BLVRB: variants seen among roughly 807,000 people sequenced by gnomAD.
The protein encoded by BLVRB is biliverdin reductase B, also known as flavin reductase (NADPH).
In BLVRB, 25 loss-of-function variants were observed where a neutral mutation model predicts 21.1. The ratio of observed to expected loss-of-function variants is 1.19; its 90% CI spans 0.86 to 1.66. BLVRB has a LOEUF of 1.66. Among genes scored for constraint, BLVRB ranks in the 40% most tolerant of loss-of-function variants. The pLI is 0.00. For synonymous variants in BLVRB, 128 were observed against 122.2 expected (o/e 1.05, Z -0.31); for missense variants, 274 against 282.7 (o/e 0.97, Z 0.22).
chr19:40,450,909 C>T (rs1379241462), intron 4 of BLVRB, among the ~76,000 whole-genome samples: 1 of 151,180 alleles, frequency 6.6e-6, no homozygotes, highest in Non-Finnish European at 1.5e-5. Flanking sequence ...ATCTCCCATA[C>T]TAGAAATGTA....
chr19:40,457,964 G>A (rs1250326355), intron 3 of BLVRB, 191 bp downstream of exon 3: 1 of 578,794 alleles, frequency 1.7e-6, no homozygotes, highest in Admixed American at 3.0e-5. Context: ...TGAGCCTTGT[G>A]TGAGCAGGGC....
At chr19:40,464,718 T>C (rs2145785399) in intron 1 of BLVRB, among the ~76,000 whole-genome samples, 1 of 152,250 alleles carries the variant, frequency 6.6e-6, no homozygotes, top group African/African-American at 2.4e-5. Flanking sequence ...AGGGGAGAGT[T>C]ATGGACCTAG....
In BLVRB at chr19:40,447,900, G is replaced by A. The variant is rs1473642228; in HGVS notation, c.610C>T (p.Gln204Ter). The part of the protein sequence containing the change: ...YDGHSTYPSH[Q>*]YQ Reference sequence around the variant, plus strand: ...ATGGGGACAGAGTGCTACTGGTACTGGTGGGAGGGGTAGGTGCTGTGTCCG... The same window carrying A: ...ATGGGGACAGAGTGCTACTGGTACTAGTGGGAGGGGTAGGTGCTGTGTCCG... The change falls in exon 5 of 5, where the codon CAG becomes TAG. Residue 204 changes from glutamine (Q) to a stop codon, truncating the protein, a stop_gained. Transcript: ENST00000263368. LOFTEE classifies it high-confidence loss of function. 1 of 1,613,892 alleles carries A rather than the reference G, an allele frequency of 6.2e-7. No individual in the cohort carries two copies. Among genetic ancestry groups the A allele is most frequent in the Non-Finnish European group, 8.5e-7 (1 of 1,179,876 alleles).
At position 40,447,788 on chromosome 19, in the gene BLVRB, G is replaced by C; in HGVS notation, c.*101C>G. 1 of 1,359,772 alleles carries C rather than the reference G, an allele frequency of 7.4e-7. No individual in the cohort carries two copies. The highest frequency in any genetic ancestry group is 1.4e-5 in the South Asian group (1 of 69,606). The allele number at this position is 1,359,772 out of a possible 1,614,324, so 84.2% of individuals were successfully genotyped here. On this transcript the variant is annotated 3_prime_UTR_variant, in exon 5 of 5. Transcript: ENST00000263368. ...AGAGAGAGGAAGAGTCACACAGTCGGTTTCTCTAGAGTAATTTGAAGCTCT... is the reference window on the plus strand; with the variant it reads ...AGAGAGAGGAAGAGTCACACAGTCGCTTTCTCTAGAGTAATTTGAAGCTCT...
chr19:40,462,667 G>A (rs1314020012), intron 1 of BLVRB, among the ~76,000 whole-genome samples: 1 of 148,492 alleles, frequency 6.7e-6, no homozygotes, highest in East Asian at 2.0e-4. Flanking sequence ...TGAGGCGGGC[G>A]GATCATGAGG....
In BLVRB at chr19:40,451,441, G is replaced by T. The variant is rs1348872117; in HGVS notation, c.386C>A (p.Thr129Asn). The part of the protein sequence containing the change: ...TKVPPRLQAV[T>N]DDHIRMHKVL... ...CTTGTGCATCCGGATGTGGTCATCA[G>T]TCACAGCCTGCAGTCGTGGGGGCAC... The change falls in exon 4 of 5, where the codon ACT becomes AAT. Residue 129 changes from threonine (T) to asparagine (N), a missense_variant. Coordinates refer to ENST00000263368, the MANE Select transcript of BLVRB (RefSeq NM_000713.3). The T allele has an allele frequency of 6.2e-7, 1 of 1,613,122 alleles. No homozygotes were observed. The highest frequency in any genetic ancestry group is 1.3e-5 in the African/African-American group (1 of 75,002).
chr19:40,462,427 C>T (rs895983114), intron 1 of BLVRB, among the ~76,000 whole-genome samples: 3 of 151,522 alleles, frequency 2.0e-5, no homozygotes, highest in African/African-American at 4.8e-5. Context: ...TATAGGTGTG[C>T]ACCACAACAC....
chr19:40,452,161 G>GC (rs1440438599), intron 3 of BLVRB, among the ~76,000 whole-genome samples: 1 of 152,056 alleles, frequency 6.6e-6, no homozygotes, highest in Non-Finnish European at 1.5e-5. Context: ...CCCATGGCCA[G>GC]CCCTCAAGGC....
rs200026690 is a variant in BLVRB at position 40,458,215 on chromosome 19, G to T, written c.274C>A (p.Arg92=). ...SPTTVMSEGA[R]NIVAAMKAHG... is the part of the protein sequence containing the mutation. The stretch of plus-strand genomic sequence containing the variant: ...GCCTTCATGGCTGCCACAATGTTCC[G>T]GGCGCCCTCGGACATCACTGTCGTG... Residue 92 remains arginine, a synonymous_variant, in exon 3 of 5, where the codon CGG becomes AGG. Coordinates refer to ENST00000263368, the MANE Select transcript of BLVRB (RefSeq NM_000713.3). The T allele has an allele frequency of 3.7e-6, 6 of 1,613,690 alleles. No homozygotes were observed. The East Asian group carries it at 8.9e-5, about 24-fold the overall frequency.
At chr19:40,449,114 G>A (rs62106979) in intron 4 of BLVRB, among the ~76,000 whole-genome samples, 18,671 of 151,972 alleles carry the variant, frequency 0.12, 1,221 homozygotes, top group South Asian at 0.18. Flanking sequence ...CACCCATGTG[G>A]CATTCCTGCC....
chr19:40,459,445 T>TGG (rs2079777313), intron 1 of BLVRB, among the ~76,000 whole-genome samples: 3 of 150,924 alleles, frequency 2.0e-5, no homozygotes, highest in African/African-American at 7.3e-5. Context: ...TACCTTCTAT[T>TGG]TATTATTATT....
At chr19:40,465,491 C>T in intron 1 of BLVRB, 119 bp downstream of exon 1, 1 of 1,289,694 alleles carries the variant, frequency 7.8e-7, no homozygotes, top group Non-Finnish European at 1.1e-6. Flanking sequence ...CCCCTGAGTC[C>T]TCATACACCT....
intron 3 of BLVRB, among the ~76,000 whole-genome samples, chr19:40,455,764 T>C (rs2079759736): frequency 6.6e-6 from 1 of 152,180 alleles, no homozygotes; most frequent in Non-Finnish European, 1.5e-5. Context: ...TATTTGTGTA[T>C]GTGTATGTGC....
Position 40,465,490 on chromosome 19 carries a change from C to T in BLVRB, c.79+120G>A, listed in dbSNP as rs2079808574. ...TGGCCACTTGCTTTGGCCCCTGAGT[C>T]CTCATACACCTGGCTGGGGCGCTCA... is the stretch of plus-strand genomic sequence containing the variant. On this transcript the variant is annotated intron_variant, in intron 1 of 4. Coordinates refer to ENST00000263368, the MANE Select transcript of BLVRB (RefSeq NM_000713.3). The T allele has an allele frequency of 1.3e-5, 17 of 1,263,616 alleles. 1 individual carries two copies. In the South Asian group the frequency reaches 2.1e-4, roughly 15 times the overall value. 78.3% of individuals were successfully genotyped at this position (1,263,616 alleles called of 1,614,324 possible).
intron 2 of BLVRB, 31 bp from the exon 3 acceptor site, chr19:40,458,275 G>T (rs367905273): frequency 1.9e-6 from 3 of 1,586,640 alleles, no homozygotes; most frequent in Admixed American, 1.7e-5. Context: ...GCTGTCACTG[G>T]TGGGCGGCGG....
At chr19:40,454,231 T>G (rs571267772) in intron 3 of BLVRB, among the ~76,000 whole-genome samples, 1 of 152,180 alleles carries the variant, frequency 6.6e-6, no homozygotes, top group East Asian at 1.9e-4. Flanking sequence ...AAGTTTCAAG[T>G]GATTCTCCTG....
At chr19:40,462,892 CAAAAAAAAAAAAA>C (rs56923063) in intron 1 of BLVRB, among the ~76,000 whole-genome samples, 3 of 49,866 alleles carry the variant, frequency 6.0e-5, no homozygotes, top group African/African-American at 1.7e-4. Flanking sequence ...ACTCTTGTCT[CAAAAAAAAAAAAA>C]AAAAAAAAAA....
rs199771756 is a variant in BLVRB, at chr19:40,458,368, G to A, written c.244+13C>T. 766 of 1,564,200 alleles carry A rather than the reference G, an allele frequency of 4.9e-4. 1 individual carries two copies. The Middle Eastern group carries it at 7.8e-3, about 16-fold the overall frequency. ...TGTAGGGGAGGGCCGTGGGCAGAGG[G>A]GGGGCTCAGTACTGAGGTCATTGCG... is the stretch of plus-strand genomic sequence containing the variant. On this transcript the variant is annotated intron_variant, in intron 2 of 4. Transcript: ENST00000263368.
intron 1 of BLVRB, 119 bp downstream of exon 1, chr19:40,465,488 GTCC>G: frequency 8.0e-7 from 1 of 1,245,414 alleles, no homozygotes; most frequent in Non-Finnish European, 1.1e-6. Context: ...TGGCCCCTGA[GTCC>G]TCATACACCT....
Sources: gnomAD v4.1 joint callset for allele counts (sites outside exome capture counted in the v4.1 genomes callset) on GRCh38, gnomAD v4.1.1 for gene constraint, MANE v1.5 for transcripts, NCBI Gene and HGNC (gene_info 2026-07-23, HGNC 2026-07-21) for gene names.